DEPTOR: variants seen among roughly 807,000 people sequenced by gnomAD.
DEPTOR encodes DEP domain-containing mTOR-interacting protein.
A neutral mutation model predicts 41.6 loss-of-function variants in DEPTOR; 41 were observed. The observed-to-expected ratio is 0.98, with a 90% CI of 0.77 to 1.28. The LOEUF is 1.28. Among genes scored for constraint, DEPTOR ranks in the 50% most tolerant of loss-of-function variants. DEPTOR has a pLI of 0.00. For synonymous variants in DEPTOR, 195 were observed against 192.3 expected, an observed-to-expected ratio of 1.01 and a Z score of -0.12; for missense variants, 514 against 527.9, an observed-to-expected ratio of 0.97 and a Z score of 0.26.
At chr8:119,999,012 C>T (rs1812309750) in intron 4 of DEPTOR, among the ~76,000 whole-genome samples, 2 of 150,770 alleles carry the variant, frequency 1.3e-5, no homozygotes, top group African/African-American at 4.9e-5. Context: ...GTCTGTAATC[C>T]CAGCACTTTG....
At chr8:119,907,340 A>T (rs530296060) in intron 1 of DEPTOR, among the ~76,000 whole-genome samples, 31 of 152,256 alleles carry the variant, frequency 2.0e-4, no homozygotes, top group South Asian at 1.2e-3. Context: ...ATATTTTTTT[A>T]AAAAATATTT....
chr8:119,965,521 C>A, intron 4 of DEPTOR, 111 bp downstream of exon 4: 1 of 1,342,872 alleles, frequency 7.4e-7, no homozygotes, highest in African/African-American at 1.5e-5. Flanking sequence ...GTCAGCTGCA[C>A]CTCTGCTTAT....
At chr8:119,983,476 C>T (rs1473337400) in intron 4 of DEPTOR, among the ~76,000 whole-genome samples, 1 of 152,100 alleles carries the variant, frequency 6.6e-6, no homozygotes, top group African/African-American at 2.4e-5. Flanking sequence ...CCTCTGCCTT[C>T]CAGGTTCAAG....
intron 1 of DEPTOR, among the ~76,000 whole-genome samples, chr8:119,905,202 C>T (rs1303744947): frequency 2.6e-5 from 4 of 151,954 alleles, no homozygotes; most frequent in African/African-American, 9.7e-5. Context: ...GAATCTTGTC[C>T]GCAAGAAGCT....
Position 120,006,819 on chromosome 8 carries a change from G to C in DEPTOR, c.940G>C (p.Val314Leu), listed in dbSNP as rs778338687. The change falls in exon 7 of 9, where the codon GTC becomes CTC. Residue 314 changes from valine to leucine, a missense_variant. Transcript: ENST00000286234. Reference sequence around the variant, plus strand: ...TTGTCTGCCAGTGCTGAAGAGACCTGTCACCTCTGAGGAACTCCTTACTCC... The same window carrying C: ...TTGTCTGCCAGTGCTGAAGAGACCTCTCACCTCTGAGGAACTCCTTACTCC... ...CNPKSVLKRPVTSEELLTPGA... is the reference protein window; with the variant it reads ...CNPKSVLKRPLTSEELLTPGA... The C allele has an allele frequency of 6.2e-7, 1 of 1,614,140 alleles. No homozygotes were observed. Among genetic ancestry groups the C allele is most frequent in the Non-Finnish European group, 8.5e-7 (1 of 1,180,016 alleles).
intron 3 of DEPTOR, among the ~76,000 whole-genome samples, chr8:119,940,389 C>T (rs948876255): frequency 3.4e-4 from 52 of 152,276 alleles, no homozygotes; most frequent in African/African-American, 1.2e-3. Context: ...CCCAAGTGTT[C>T]ACTGATGAAT....
intron 3 of DEPTOR, among the ~76,000 whole-genome samples, chr8:119,941,757 T>C (rs1828207239): frequency 1.3e-5 from 2 of 152,098 alleles, no homozygotes; most frequent in Admixed American, 1.3e-4. Flanking sequence ...CTTTGGAAAA[T>C]AGGGAAATTG....
At chr8:120,032,785 G>A (rs1362522468) in intron 8 of DEPTOR, among the ~76,000 whole-genome samples, 1 of 152,192 alleles carries the variant, frequency 6.6e-6, no homozygotes, top group East Asian at 1.9e-4. Context: ...CCACCTTCCA[G>A]GTATTATGGA....
intron 1 of DEPTOR, among the ~76,000 whole-genome samples, chr8:119,921,428 A>G (rs1357659158): frequency 3.3e-5 from 5 of 152,238 alleles, no homozygotes. Flanking sequence ...CAATTTTCAA[A>G]GCTCATTTTT....
intron 1 of DEPTOR, among the ~76,000 whole-genome samples, chr8:119,927,362 A>C (rs1246170082): frequency 1.3e-5 from 2 of 151,992 alleles, no homozygotes; most frequent in African/African-American, 4.8e-5. Context: ...CGATTCATGT[A>C]ATTTAAACCC....
chr8:119,900,760 G>A (rs1022594328), intron 1 of DEPTOR, among the ~76,000 whole-genome samples: 1 of 151,942 alleles, frequency 6.6e-6, no homozygotes, highest in African/African-American at 2.4e-5. Flanking sequence ...CTGCTACAAG[G>A]TATAAGCAAA....
intron 8 of DEPTOR, among the ~76,000 whole-genome samples, chr8:120,016,750 C>T: frequency 6.6e-6 from 1 of 151,624 alleles, no homozygotes; most frequent in East Asian, 2.0e-4. Flanking sequence ...ACAGGCACAT[C>T]ATGCCACCAT....
At chr8:119,988,958 CT>C (rs71571643) in intron 4 of DEPTOR, among the ~76,000 whole-genome samples, 25,570 of 93,782 alleles carry the variant, frequency 0.27, 3,182 homozygotes, top group South Asian at 0.4. Flanking sequence ...TTTTTTTTTT[CT>C]TTTTTTTTTT....
intron 1 of DEPTOR, among the ~76,000 whole-genome samples, chr8:119,882,475 A>G (rs1306269942): frequency 1.3e-5 from 2 of 151,634 alleles, no homozygotes; most frequent in Non-Finnish European, 2.9e-5. Context: ...GCTCACTTCA[A>G]CCTCTGGGTC....
intron 3 of DEPTOR, among the ~76,000 whole-genome samples, chr8:119,938,577 A>G (rs563279132): frequency 1.3e-5 from 2 of 152,254 alleles, no homozygotes; most frequent in African/African-American, 4.8e-5. Flanking sequence ...CAGTGGCACA[A>G]TCTTGGCTGG....
intron 8 of DEPTOR, among the ~76,000 whole-genome samples, chr8:120,028,999 G>A (rs1209927585): frequency 6.6e-6 from 1 of 151,792 alleles, no homozygotes; most frequent in Non-Finnish European, 1.5e-5. Context: ...CTTGAACCTG[G>A]GAGGCAGAGG....
chr8:120,017,817 A>C (rs1812636179), intron 8 of DEPTOR, among the ~76,000 whole-genome samples: 1 of 152,160 alleles, frequency 6.6e-6, no homozygotes, highest in Non-Finnish European at 1.5e-5. Context: ...GAGAGTGTTC[A>C]AGTTTTCATG....
In DEPTOR at chr8:119,874,064, C is replaced by G. The variant is rs1827200164; in HGVS notation, c.122+96C>G. On this transcript the variant is annotated intron_variant, in intron 1 of 8. Transcript: ENST00000286234. ...CACGCGCTCCCTGGCTCGTGGCTTG[C>G]GACTCGCGTGGGGCGCCGGAACGGC... 2.6e-6 allele frequency: 4 copies of G among 1,566,056 alleles called. No individual in the cohort carries two copies. In the South Asian group the frequency reaches 4.6e-5, roughly 18 times the overall value.
intron 1 of DEPTOR, among the ~76,000 whole-genome samples, chr8:119,927,633 A>G (rs1180176356): frequency 6.7e-6 from 1 of 149,880 alleles, no homozygotes; most frequent in Non-Finnish European, 1.5e-5. Flanking sequence ...TTTAAGACGG[A>G]GTTTCACTCT....
Sources: gnomAD v4.1 joint callset for allele counts (sites outside exome capture counted in the v4.1 genomes callset) on GRCh38, gnomAD v4.1.1 for gene constraint, MANE v1.5 for transcripts, NCBI Gene and HGNC (gene_info 2026-07-23, HGNC 2026-07-21) for gene names.